The following PPA2 variants were observed in gnomAD, a reference collection of about 807,000 sequenced individuals.
PPA2 encodes inorganic pyrophosphatase 2, mitochondrial.
Under a neutral mutation model 49.5 loss-of-function variants are expected in PPA2, and 48 were observed. That is an observed-to-expected ratio of 0.97 (90% confidence interval 0.77 to 1.23). The LOEUF is 1.23. Ranked by LOEUF, PPA2 falls within the 50% of genes most tolerant of loss-of-function variation. PPA2 has a pLI of 0.00. For missense variants in PPA2, 429 were observed against 410.1 expected (o/e 1.05, Z -0.40); for synonymous variants, 131 against 139.9 (o/e 0.94, Z 0.45).
At chr4:105,460,378 T>G (rs1226592608) in intron 1 of PPA2, among the ~76,000 whole-genome samples, 4 of 148,400 alleles carry the variant, frequency 2.7e-5, no homozygotes, top group Non-Finnish European at 5.9e-5. Flanking sequence ...ATAGGTCATA[T>G]GTAAATACTA....
chr4:105,402,449 T>A (rs1011453154), intron 7 of PPA2, among the ~76,000 whole-genome samples: 1 of 152,196 alleles, frequency 6.6e-6, no homozygotes, highest in Non-Finnish European at 1.5e-5. Context: ...GAGCAACTCA[T>A]TCAGGTATCT....
At chr4:105,463,405 G>C (rs988440167) in intron 1 of PPA2, among the ~76,000 whole-genome samples, 1 of 152,136 alleles carries the variant, frequency 6.6e-6, no homozygotes, top group Non-Finnish European at 1.5e-5. Flanking sequence ...GGTGACTTGG[G>C]TGCTGTTAAA....
intron 1 of PPA2, among the ~76,000 whole-genome samples, chr4:105,458,638 A>T (rs1722959720): frequency 6.6e-6 from 1 of 151,924 alleles, no homozygotes; most frequent in African/African-American, 2.4e-5. Context: ...CCTGACCAAC[A>T]TGGCAAAACC....
intron 1 of PPA2, among the ~76,000 whole-genome samples, chr4:105,460,086 A>T (rs908461956): frequency 1.3e-5 from 2 of 152,242 alleles, no homozygotes; most frequent in African/African-American, 2.4e-5. Context: ...CTGAAAGACA[A>T]CTAGGAGGAG....
At chr4:105,404,233 A>G (rs1722354295) in intron 7 of PPA2, among the ~76,000 whole-genome samples, 1 of 151,990 alleles carries the variant, frequency 6.6e-6, no homozygotes, top group African/African-American at 2.4e-5. Flanking sequence ...AATTAAGACA[A>G]CACATTCTAT....
rs11373169 is a variant in PPA2, at chr4:105,391,344, CA to C, written c.870-4709del. 5.6e-3 allele frequency among the ~76,000 whole-genome samples: 579 copies of C among 102,520 alleles called. 7 individuals carry two copies. The highest frequency in any genetic ancestry group is 0.015 in the African/African-American group (404 of 26,294). The allele number at this position is 102,520 out of a possible 152,430, so 67.3% of individuals were successfully genotyped here. ...ACATGTATCCTGGAACTTAAAGTAA[CA>C]AAAAAAAAAAAAAAAAAAGGAAGTA... On this transcript the variant is annotated intron_variant, in intron 9 of 11. Coordinates refer to ENST00000341695, the MANE Select transcript of PPA2 (RefSeq NM_176869.3).
chr4:105,423,960 G>C (rs1306845878), intron 7 of PPA2, among the ~76,000 whole-genome samples: 1 of 152,114 alleles, frequency 6.6e-6, no homozygotes, highest in Non-Finnish European at 1.5e-5. Flanking sequence ...GAAGGAAGGA[G>C]TGAAAGGAAG....
intron 6 of PPA2, among the ~76,000 whole-genome samples, chr4:105,429,144 A>T (rs144461868): frequency 1.3e-5 from 2 of 152,106 alleles, no homozygotes; most frequent in African/African-American, 4.8e-5. Flanking sequence ...TTGAAGCAAA[A>T]CCTTTAATTT....
intron 7 of PPA2, among the ~76,000 whole-genome samples, chr4:105,411,252 T>G (rs1431601633): frequency 6.6e-6 from 1 of 152,062 alleles, no homozygotes; most frequent in Non-Finnish European, 1.5e-5. Flanking sequence ...AAGCAAGGTT[T>G]GCAATCCTAG....
intron 3 of PPA2, among the ~76,000 whole-genome samples, chr4:105,450,700 CG>C (rs1227144823): frequency 1.4e-5 from 2 of 147,738 alleles, no homozygotes; most frequent in Non-Finnish European, 3.0e-5. Context: ...ATCCGCCTCC[CG>C]GGTTCACGCC....
chr4:105,394,798 G>GCTTTT (rs1734071754), intron 9 of PPA2, among the ~76,000 whole-genome samples: 2 of 152,112 alleles, frequency 1.3e-5, no homozygotes, highest in Non-Finnish European at 2.9e-5. Flanking sequence ...AAACACTCAA[G>GCTTTT]TCTCATCAAA....
At chr4:105,409,280 C>A (rs1469224232) in intron 7 of PPA2, among the ~76,000 whole-genome samples, 1 of 152,236 alleles carries the variant, frequency 6.6e-6, no homozygotes, top group African/African-American at 2.4e-5. Flanking sequence ...CCCACACCCA[C>A]GGAGCCTTGT....
intron 7 of PPA2, among the ~76,000 whole-genome samples, chr4:105,410,095 G>A (rs921520503): frequency 5.3e-5 from 8 of 152,282 alleles, no homozygotes; most frequent in African/African-American, 1.9e-4. Flanking sequence ...GCTTCAGAAG[G>A]TCAGTAACAA....
At chr4:105,426,131 G>A (rs1433289628) in intron 6 of PPA2, among the ~76,000 whole-genome samples, 1 of 151,996 alleles carries the variant, frequency 6.6e-6, no homozygotes, top group East Asian at 1.9e-4. Context: ...CTTAAAATGA[G>A]TATATTCTAT....
At chr4:105,394,802 C>T (rs1734072009) in intron 9 of PPA2, among the ~76,000 whole-genome samples, 2 of 152,106 alleles carry the variant, frequency 1.3e-5, no homozygotes, top group Non-Finnish European at 2.9e-5. Flanking sequence ...ACTCAAGTCT[C>T]ATCAAAGACT....
intron 3 of PPA2, 118 bp from the exon 4 acceptor site, chr4:105,449,521 T>C: frequency 6.8e-6 from 4 of 588,368 alleles, no homozygotes; most frequent in East Asian, 3.3e-5. Flanking sequence ...ATGTTGAGTC[T>C]CCATCATACA....
At chr4:105,454,945 T>C (rs1385130463) in intron 2 of PPA2, among the ~76,000 whole-genome samples, 5 of 152,204 alleles carry the variant, frequency 3.3e-5, no homozygotes, top group Admixed American at 1.3e-4. Context: ...TTTATTATTA[T>C]TGTTGTTATG....
At chr4:105,374,851 C>A (rs113643997) in intron 10 of PPA2, among the ~76,000 whole-genome samples, 48 of 145,884 alleles carry the variant, frequency 3.3e-4, no homozygotes, top group African/African-American at 1.1e-3. Flanking sequence ...CTTTCTTTTT[C>A]TTTTTTCTTT....
intron 4 of PPA2, among the ~76,000 whole-genome samples, chr4:105,446,739 T>C (rs1722401969): frequency 6.6e-6 from 1 of 152,178 alleles, no homozygotes; most frequent in Non-Finnish European, 1.5e-5. Context: ...CTATTATTTA[T>C]GTACTCCATT....
Sources: allele counts gnomAD v4.1 joint callset (sites outside exome capture counted in the v4.1 genomes callset), GRCh38; gene constraint gnomAD v4.1.1; transcripts MANE v1.5; gene names NCBI Gene and HGNC (gene_info 2026-07-23, HGNC 2026-07-21).